PTPRT: variants seen among roughly 807,000 people sequenced by gnomAD.
The protein encoded by PTPRT is protein tyrosine phosphatase receptor type T, also known as receptor-type tyrosine-protein phosphatase T.
In PTPRT, 56 loss-of-function variants were observed where a neutral mutation model predicts 176.8. That is an observed-to-expected ratio of 0.32 (90% CI 0.26 to 0.40). The LOEUF (loss-of-function observed/expected upper bound fraction) is 0.40. Ranked by LOEUF, PTPRT falls within the 10% of genes least tolerant of loss-of-function variation. The pLI, the probability that PTPRT is intolerant of heterozygous loss-of-function variation, is 1.00. For missense variants in PTPRT, 1,540 were observed against 1,908.2 expected (o/e 0.81, Z 3.60); for synonymous variants, 783 against 739.0 (o/e 1.06, Z -0.96).
chr20:43,173,891 C>T (rs1176003223), intron 1 of PTPRT, among the ~76,000 whole-genome samples: 2 of 152,222 alleles, frequency 1.3e-5, no homozygotes, highest in Admixed American at 6.5e-5. Context: ...CATTCGACAT[C>T]ACATGGTGAT....
At chr20:42,965,247 C>T (rs112369538) in intron 1 of PTPRT, among the ~76,000 whole-genome samples, 43 of 152,136 alleles carry the variant, frequency 2.8e-4, no homozygotes, top group African/African-American at 9.9e-4. Flanking sequence ...GGAAAGAAAG[C>T]CCGGATTTAT....
At chr20:42,813,131 A>G (rs1271781940) in intron 2 of PTPRT, among the ~76,000 whole-genome samples, 2 of 151,962 alleles carry the variant, frequency 1.3e-5, no homozygotes, top group African/African-American at 4.8e-5. Flanking sequence ...GTCATTATTT[A>G]TGGGCTCTTT....
intron 15 of PTPRT, among the ~76,000 whole-genome samples, chr20:42,215,970 T>A (rs746160490): frequency 1.8e-4 from 27 of 152,352 alleles, no homozygotes; most frequent in Middle Eastern, 3.4e-3. Flanking sequence ...CTGTCTGCTA[T>A]ATCCCAACAA....
At chr20:43,046,346 C>A (rs549712256) in intron 1 of PTPRT, among the ~76,000 whole-genome samples, 25 of 151,890 alleles carry the variant, frequency 1.6e-4, no homozygotes, top group East Asian at 3.9e-4. Context: ...CTGAGGCAGG[C>A]GGATCATGAG....
intron 7 of PTPRT, among the ~76,000 whole-genome samples, chr20:42,604,888 G>T (rs573335046): frequency 6.6e-6 from 1 of 152,328 alleles, no homozygotes; most frequent in African/African-American, 2.4e-5. Context: ...TTGAGGCTTG[G>T]TGTGTGCTGA....
chr20:42,838,047 A>G (rs2078212389), intron 2 of PTPRT, among the ~76,000 whole-genome samples: 1 of 152,178 alleles, frequency 6.6e-6, no homozygotes, highest in Admixed American at 6.5e-5. Context: ...GTTTGTTGAG[A>G]CGGAGTTTCG....
chr20:42,552,278 G>A (rs1033452552), intron 7 of PTPRT, among the ~76,000 whole-genome samples: 2 of 152,178 alleles, frequency 1.3e-5, no homozygotes, highest in Non-Finnish European at 2.9e-5. Flanking sequence ...TGGGAAGAGA[G>A]ATGGCAGATG....
At chr20:42,319,398 A>G (rs1012138055) in intron 11 of PTPRT, among the ~76,000 whole-genome samples, 1 of 152,120 alleles carries the variant, frequency 6.6e-6, no homozygotes, top group Non-Finnish European at 1.5e-5. Flanking sequence ...GAAATTACAA[A>G]GAATAGCAAA....
intron 2 of PTPRT, among the ~76,000 whole-genome samples, chr20:42,806,270 G>A (rs997592406): frequency 1.3e-5 from 2 of 152,056 alleles, no homozygotes; most frequent in South Asian, 4.2e-4. Flanking sequence ...TGGATCATGA[G>A]GTCAGGAGAT....
intron 1 of PTPRT, among the ~76,000 whole-genome samples, chr20:42,965,804 T>A (rs73101909): frequency 0.093 from 14,088 of 152,272 alleles, 887 homozygotes; most frequent in Non-Finnish European, 0.13. Context: ...GATACCCCCA[T>A]TTAATTTTCT....
At chr20:42,433,536 T>C (rs1389181673) in intron 9 of PTPRT, among the ~76,000 whole-genome samples, 4 of 152,112 alleles carry the variant, frequency 2.6e-5, no homozygotes, top group Non-Finnish European at 5.9e-5. Context: ...CATGCCCTGA[T>C]TGATTATTGA....
chr20:42,791,517 A>T (rs373959355), intron 2 of PTPRT, 51 bp from the exon 3 acceptor site: 514 of 1,524,548 alleles, frequency 3.4e-4, no homozygotes, highest in Non-Finnish European at 4.5e-4. Context: ...AAAGTAAGAA[A>T]ATCCTTCTGA....
At chr20:42,534,418 G>T (rs2072439394) in intron 7 of PTPRT, among the ~76,000 whole-genome samples, 1 of 152,126 alleles carries the variant, frequency 6.6e-6, no homozygotes, top group Non-Finnish European at 1.5e-5. Flanking sequence ...TGGATCATGA[G>T]GTCAAGAGAT....
rs544539492 is a variant in PTPRT at position 42,844,748 on chromosome 20, T to A, written c.214+41059A>T. Among the ~76,000 whole-genome samples the A allele has an allele frequency of 2.6e-5, 4 of 152,264 alleles. No individual in the cohort carries two copies. In the South Asian group the frequency reaches 8.3e-4, roughly 32 times the overall value. ...TACCTTCAACATATCTAGAATCAGC[T>A]TCACACTGCTCTGGCGTTTGTTCAT... On this transcript the variant is annotated intron_variant, in intron 2 of 30. Coordinates refer to ENST00000373187, the MANE Select transcript of PTPRT (RefSeq NM_007050.6).
At chr20:42,245,269 T>C (rs2146899264) in intron 14 of PTPRT, among the ~76,000 whole-genome samples, 1 of 152,290 alleles carries the variant, frequency 6.6e-6, no homozygotes. Context: ...GATCCCTTCT[T>C]ATAATGCTCA....
intron 1 of PTPRT, among the ~76,000 whole-genome samples, chr20:43,081,589 T>C: frequency 6.6e-6 from 1 of 152,222 alleles, no homozygotes. Context: ...ATCATTATTA[T>C]TTTTCCATCC....
chr20:42,215,571 T>C (rs573940715), intron 15 of PTPRT, among the ~76,000 whole-genome samples: 1 of 148,480 alleles, frequency 6.7e-6, no homozygotes, highest in Non-Finnish European at 1.5e-5. Context: ...CCAAGGTGAC[T>C]AATCTTTCCT....
In PTPRT at chr20:42,386,589, C is replaced by T. The variant is rs149890494; in HGVS notation, c.1561-34304G>A. On this transcript the variant is annotated intron_variant, in intron 9 of 30. Coordinates refer to ENST00000373187, the MANE Select transcript of PTPRT (RefSeq NM_007050.6). ...GCTTCTATCTTTCATACCTTCATAA[C>T]GATCCTGCAAAGTAAGAATTATTAT... Among the ~76,000 whole-genome samples the T allele has an allele frequency of 2.4e-4, 37 of 152,246 alleles. 1 individual carries two copies. The East Asian group carries it at 4.1e-3, about 17-fold the overall frequency.
In PTPRT at chr20:42,078,508, A is replaced by G. The variant is rs1982998242; in HGVS notation, c.*2371T>C. ...ATATTAAAAAGTGCACGCTTAAGGG[A>G]ATGTTTTCACAGTGTCTGATGAAAG... On this transcript the variant is annotated 3_prime_UTR_variant, in exon 31 of 31. Coordinates refer to ENST00000373187, the MANE Select transcript of PTPRT (RefSeq NM_007050.6). The G allele has an allele frequency of 9.8e-6, 2 of 203,274 alleles. No individual in the cohort carries two copies. Among genetic ancestry groups the G allele is most frequent in the East Asian group, 7.5e-5 (1 of 13,410 alleles). 12.6% of individuals were successfully genotyped at this position (203,274 alleles called of 1,614,324 possible). A position where few individuals can be genotyped will look rare whatever the true frequency, so the allele number is the denominator to read the frequency against.
Sources: gnomAD v4.1 joint callset for allele counts (sites outside exome capture counted in the v4.1 genomes callset) on GRCh38, gnomAD v4.1.1 for gene constraint, MANE v1.5 for transcripts, NCBI Gene and HGNC (gene_info 2026-07-23, HGNC 2026-07-21) for gene names.